Variants in PCBD2 observed in about 807,000 individuals in gnomAD.
PCBD2 encodes pterin-4 alpha-carbinolamine dehydratase 2, also known as pterin-4-alpha-carbinolamine dehydratase 2.
Under a neutral mutation model 16.4 loss-of-function variants are expected in PCBD2, and 12 were observed. The observed-to-expected ratio is 0.73, with a 90% CI of 0.47 to 1.19. PCBD2 has a LOEUF of 1.19. PCBD2 is among the 50% of genes most tolerant of loss of function. The pLI is 0.00. For missense variants in PCBD2, 138 were observed against 156.8 expected (o/e 0.88, Z 0.64); for synonymous variants, 58 against 61.8 (o/e 0.94, Z 0.29).
rs1196147276 is a variant in PCBD2 at position 134,961,987 on chromosome 5, T to C, written c.*1306T>C. On this transcript the variant is annotated 3_prime_UTR_variant, in exon 4 of 4. Transcript: ENST00000254908. ...TCTTGCCCAGGCTGGCCTTGAACTC[T>C]TGGGCTCAAGCAAGCCTCCCACCTC... Among the ~76,000 whole-genome samples, 1 of 151,728 alleles carries C rather than the reference T, an allele frequency of 6.6e-6. No homozygotes were observed. The highest frequency in any genetic ancestry group is 1.5e-5 in the Non-Finnish European group (1 of 67,914).
At chr5:134,953,229 A>C (rs1751378226) in intron 2 of PCBD2, among the ~76,000 whole-genome samples, 1 of 151,640 alleles carries the variant, frequency 6.6e-6, no homozygotes, top group African/African-American at 2.4e-5. Context: ...TTAAATTATG[A>C]TATGGACTGT....
intron 2 of PCBD2, among the ~76,000 whole-genome samples, chr5:134,915,384 T>C (rs1204588633): frequency 1.3e-5 from 2 of 151,714 alleles, no homozygotes; most frequent in Admixed American, 6.6e-5. Context: ...TTGTTCTGCA[T>C]GTATGCAAAT....
At position 134,914,195 on chromosome 5, in the gene PCBD2, C is replaced by T. The variant is rs537823923; in HGVS notation, c.216+3729C>T. 3.3e-5 allele frequency among the ~76,000 whole-genome samples: 5 copies of T among 152,078 alleles called. No individual in the cohort carries two copies. The East Asian group carries it at 7.7e-4, about 23-fold the overall frequency. On this transcript the variant is annotated intron_variant, in intron 2 of 3. Coordinates refer to ENST00000254908, the MANE Select transcript of PCBD2 (RefSeq NM_032151.5). ...CATTGTGGTTTAGATGCCAATAGGC[C>T]GTTACATTCATCCTGGGAAAAAGAG...
At chr5:134,918,535 C>T (rs1257060545) in intron 2 of PCBD2, among the ~76,000 whole-genome samples, 2 of 152,018 alleles carry the variant, frequency 1.3e-5, no homozygotes, top group East Asian at 3.9e-4. Context: ...TAAAAAATGT[C>T]GTTTTGATTT....
intron 2 of PCBD2, chr5:134,926,401 A>C (rs546538627): frequency 5.2e-6 from 2 of 388,224 alleles, no homozygotes; most frequent in South Asian, 2.8e-4. Context: ...GAGGGTGGTA[A>C]GGATAGGGGG....
intron 2 of PCBD2, among the ~76,000 whole-genome samples, chr5:134,929,719 T>A (rs537260614): frequency 6.6e-6 from 1 of 152,194 alleles, no homozygotes; most frequent in Admixed American, 6.5e-5. Context: ...AGAGATGGGG[T>A]CTTCCTCTGT....
In PCBD2 at chr5:134,962,214, C is replaced by A. The variant is rs1051553021; in HGVS notation, c.*1533C>A. 6.6e-6 allele frequency among the ~76,000 whole-genome samples: 1 copy of A among 152,004 alleles called. No individual in the cohort carries two copies. Among genetic ancestry groups the A allele is most frequent in the African/African-American group, 2.4e-5 (1 of 41,366 alleles). On this transcript the variant is annotated 3_prime_UTR_variant, in exon 4 of 4. Transcript: ENST00000254908. ...TCAAGTGATCCTCTCACCTCAGCCT[C>A]CTGAGTAGCAGCGGTTACAGGCATG...
intron 2 of PCBD2, among the ~76,000 whole-genome samples, chr5:134,936,145 AT>A (rs1355439517): frequency 6.6e-6 from 1 of 152,230 alleles, no homozygotes; most frequent in African/African-American, 2.4e-5. Context: ...CTTGTAAAAT[AT>A]TTCTTGGCGA....
intron 2 of PCBD2, among the ~76,000 whole-genome samples, chr5:134,931,180 C>G (rs1751090467): frequency 6.6e-6 from 1 of 152,106 alleles, no homozygotes; most frequent in Non-Finnish European, 1.5e-5. Flanking sequence ...GGCCTCCCAG[C>G]ACTTTGGCCA....
intron 2 of PCBD2, among the ~76,000 whole-genome samples, chr5:134,930,414 C>T (rs1182698507): frequency 1.3e-5 from 2 of 152,054 alleles, no homozygotes; most frequent in East Asian, 3.8e-4. Flanking sequence ...CCTTTCTCAC[C>T]AGGGACTTTT....
At chr5:134,905,398 C>T in intron 1 of PCBD2, 175 bp downstream of exon 1, 1 of 474,990 alleles carries the variant, frequency 2.1e-6, no homozygotes, top group Non-Finnish European at 3.3e-6. Context: ...GTGCGCCGCT[C>T]AGAGACCGGG....
intron 2 of PCBD2, among the ~76,000 whole-genome samples, chr5:134,942,957 T>C (rs1165591057): frequency 1.3e-5 from 2 of 152,228 alleles, no homozygotes; most frequent in African/African-American, 4.8e-5. Context: ...ATAAATAAAG[T>C]AACTATCATT....
chr5:134,927,134 G>C, intron 2 of PCBD2: 1 of 398,094 alleles, frequency 2.5e-6, no homozygotes, highest in Non-Finnish European at 4.4e-6. Flanking sequence ...TTTGGATGAG[G>C]ATGGCTGTTA....
chr5:134,942,930 C>G (rs977502976), intron 2 of PCBD2, among the ~76,000 whole-genome samples: 4 of 152,124 alleles, frequency 2.6e-5, no homozygotes, highest in African/African-American at 9.7e-5. Context: ...TGTCTTATTC[C>G]TTTGCAAATC....
chr5:134,907,462 C>T (rs368060498), intron 1 of PCBD2, among the ~76,000 whole-genome samples: 5 of 150,756 alleles, frequency 3.3e-5, no homozygotes, highest in East Asian at 2.0e-4. Flanking sequence ...AGGCTGGCCT[C>T]GAACTCCTGA....
Position 134,905,172 on chromosome 5 carries a change from G to T in PCBD2, c.33G>T (p.Thr11=). Residue 11 remains threonine (T), a synonymous_variant, in exon 1 of 4, where the codon ACG becomes ACT. Coordinates refer to ENST00000254908, the MANE Select transcript of PCBD2 (RefSeq NM_032151.5). Reference sequence around the variant, plus strand: ...CGGTGCTCGGGGCGCTCGGGGCGACGCGGCGCTTGTTGGCGGCGCTGCGAG... The same window carrying T: ...CGGTGCTCGGGGCGCTCGGGGCGACTCGGCGCTTGTTGGCGGCGCTGCGAG... The part of the protein sequence containing the change: MAAVLGALGA[T]RRLLAALRGQ... 3 of 1,223,564 alleles carry T rather than the reference G, an allele frequency of 2.5e-6. No homozygotes were observed. The highest frequency in any genetic ancestry group is 2.0e-6 in the Non-Finnish European group (2 of 982,894). 75.8% of individuals were successfully genotyped at this position (1,223,564 alleles called of 1,614,324 possible).
intron 2 of PCBD2, among the ~76,000 whole-genome samples, chr5:134,936,595 T>G (rs1318118086): frequency 6.6e-6 from 1 of 152,242 alleles, no homozygotes; most frequent in African/African-American, 2.4e-5. Flanking sequence ...GATAACTTGT[T>G]TTGCTGACCA....
intron 1 of PCBD2, among the ~76,000 whole-genome samples, chr5:134,908,156 A>G (rs748365440): frequency 6.6e-6 from 1 of 150,934 alleles, no homozygotes; most frequent in Non-Finnish European, 1.5e-5. Flanking sequence ...TCCTGGCCTA[A>G]AATGATCCTC....
intron 2 of PCBD2, among the ~76,000 whole-genome samples, chr5:134,957,316 A>C (rs749578046): frequency 6.6e-6 from 1 of 152,178 alleles, no homozygotes; most frequent in African/African-American, 2.4e-5. Flanking sequence ...TAAGTGATAG[A>C]ATCAGGATTT....
Sources: allele counts gnomAD v4.1 joint callset (sites outside exome capture counted in the v4.1 genomes callset), GRCh38; gene constraint gnomAD v4.1.1; transcripts MANE v1.5; gene names NCBI Gene and HGNC (gene_info 2026-07-23, HGNC 2026-07-21).